Variants in FSTL5 observed in about 807,000 individuals in gnomAD.
FSTL5 encodes the protein follistatin like 5.
FSTL5 carries 62 observed loss-of-function variants against 89.1 expected under a neutral mutation model. The ratio of observed to expected loss-of-function variants is 0.70; its 90% CI spans 0.57 to 0.86. The LOEUF (loss-of-function observed/expected upper bound fraction) is 0.86. FSTL5 is among the 40% of genes least tolerant of loss of function. The pLI, the probability that FSTL5 is intolerant of heterozygous loss-of-function variation, is 0.00. For missense variants in FSTL5, 1,057 were observed against 1,001.6 expected (o/e 1.06, Z -0.75); for synonymous variants, 383 against 346.2 (o/e 1.11, Z -1.18).
At chr4:161,950,461 C>T (rs751047475) in intron 3 of FSTL5, among the ~76,000 whole-genome samples, 1 of 152,144 alleles carries the variant, frequency 6.6e-6, no homozygotes, top group Non-Finnish European at 1.5e-5. Context: ...CTCGACCTTC[C>T]CATCCGCCCA....
chr4:161,546,307 T>TATAC (rs946148658), intron 8 of FSTL5, among the ~76,000 whole-genome samples: 2 of 148,286 alleles, frequency 1.3e-5, no homozygotes, highest in African/African-American at 4.9e-5. Context: ...TATATATATA[T>TATAC]ACACATATAT....
chr4:161,787,375 T>C (rs1404990113), intron 4 of FSTL5, among the ~76,000 whole-genome samples: 2 of 152,170 alleles, frequency 1.3e-5, no homozygotes, highest in South Asian at 2.1e-4. Context: ...GTAAATGAGA[T>C]TGATAAAAGA....
At chr4:161,596,816 A>C (rs1012488373) in intron 7 of FSTL5, among the ~76,000 whole-genome samples, 1 of 152,172 alleles carries the variant, frequency 6.6e-6, no homozygotes, top group African/African-American at 2.4e-5. Flanking sequence ...AATGAGCTGC[A>C]GGTATTTCTC....
At chr4:161,770,340 A>T (rs1741164392) in intron 5 of FSTL5, among the ~76,000 whole-genome samples, 1 of 151,992 alleles carries the variant, frequency 6.6e-6, no homozygotes, top group Non-Finnish European at 1.5e-5. Flanking sequence ...TTCCGCAACT[A>T]GAAGAATTTA....
chr4:161,744,991 C>T (rs961330534), intron 6 of FSTL5, among the ~76,000 whole-genome samples: 5 of 150,576 alleles, frequency 3.3e-5, no homozygotes, highest in Non-Finnish European at 7.4e-5. Context: ...TCTGCTTTAT[C>T]GGATCCAGAA....
At chr4:161,935,061 C>G (rs1734394222) in intron 3 of FSTL5, among the ~76,000 whole-genome samples, 1 of 152,080 alleles carries the variant, frequency 6.6e-6, no homozygotes, top group African/African-American at 2.4e-5. Context: ...ACTTTTAAAT[C>G]TCATAACTAT....
At chr4:161,784,978 C>T (rs1344788838) in intron 4 of FSTL5, among the ~76,000 whole-genome samples, 4 of 151,876 alleles carry the variant, frequency 2.6e-5, no homozygotes, top group African/African-American at 4.8e-5. Flanking sequence ...ATTTTTAACC[C>T]GATACTTACA....
intron 2 of FSTL5, among the ~76,000 whole-genome samples, chr4:162,102,930 A>T (rs180820806): frequency 9.9e-5 from 15 of 151,798 alleles, no homozygotes; most frequent in African/African-American, 3.1e-4. Flanking sequence ...CAAAAGTTCA[A>T]ACTTGCCAAG....
chr4:161,613,492 C>G (rs1202459680), intron 7 of FSTL5, among the ~76,000 whole-genome samples: 1 of 151,022 alleles, frequency 6.6e-6, no homozygotes, highest in Non-Finnish European at 1.5e-5. Context: ...TTAATAAGTA[C>G]TCAATAGTTG....
intron 8 of FSTL5, among the ~76,000 whole-genome samples, chr4:161,566,814 A>C (rs917356677): frequency 6.6e-6 from 1 of 152,132 alleles, no homozygotes; most frequent in Non-Finnish European, 1.5e-5. Context: ...GTTAAAAGGT[A>C]TTAATCTGGA....
At chr4:161,547,917 A>AC (rs1578915809) in intron 8 of FSTL5, among the ~76,000 whole-genome samples, 1 of 152,008 alleles carries the variant, frequency 6.6e-6, no homozygotes, top group East Asian at 1.9e-4. Flanking sequence ...ATATTTTAAG[A>AC]TTAATAAAGC....
intron 6 of FSTL5, among the ~76,000 whole-genome samples, chr4:161,731,963 G>A (rs1370956687): frequency 2.6e-5 from 4 of 151,932 alleles, no homozygotes; most frequent in African/African-American, 9.7e-5. Context: ...ATAAACATAT[G>A]TTTTGTGTGA....
chr4:161,788,485 G>A (rs1441146235), intron 4 of FSTL5, among the ~76,000 whole-genome samples: 1 of 152,116 alleles, frequency 6.6e-6, no homozygotes, highest in Non-Finnish European at 1.5e-5. Flanking sequence ...AACTTTTAAA[G>A]GATAACCTAA....
intron 3 of FSTL5, among the ~76,000 whole-genome samples, chr4:162,030,741 A>C (rs2111189086): frequency 6.6e-6 from 1 of 152,320 alleles, no homozygotes; most frequent in Non-Finnish European, 1.5e-5. Context: ...AAACTTTATT[A>C]AGTTGGCAGA....
intron 15 of FSTL5, among the ~76,000 whole-genome samples, chr4:161,425,519 T>C (rs1005155726): frequency 1.3e-5 from 2 of 152,230 alleles, no homozygotes; most frequent in African/African-American, 4.8e-5. Context: ...ATGATTCGTG[T>C]ATCACATTTT....
At chr4:161,513,272 G>GGGGGGAGAGAGAGAGA (rs1349844190) in intron 10 of FSTL5, among the ~76,000 whole-genome samples, 16 of 110,024 alleles carry the variant, frequency 1.5e-4, no homozygotes, top group African/African-American at 4.9e-4. Context: ...ACAAGGAGGG[G>GGGGGGAGAGAGAGAGA]GAGAGAGAGA....
At chr4:161,521,274 T>A (rs910342110) in intron 10 of FSTL5, among the ~76,000 whole-genome samples, 4 of 152,100 alleles carry the variant, frequency 2.6e-5, no homozygotes, top group Non-Finnish European at 4.4e-5. Flanking sequence ...TTCAATATAT[T>A]GAAAGAGAGG....
chr4:161,886,872 C>G (rs1732825060), intron 4 of FSTL5, among the ~76,000 whole-genome samples: 1 of 151,990 alleles, frequency 6.6e-6, no homozygotes, highest in African/African-American at 2.4e-5. Context: ...TTCAGGAATC[C>G]CTGCAATGTC....
intron 4 of FSTL5, among the ~76,000 whole-genome samples, chr4:161,828,677 T>TCATA (rs144290232): frequency 0.09 from 13,690 of 152,168 alleles, 758 homozygotes; most frequent in African/African-American, 0.16. Context: ...GGGGATTGAG[T>TCATA]CATATATCAT....
Sources: allele counts gnomAD v4.1 joint callset (sites outside exome capture counted in the v4.1 genomes callset), GRCh38; gene constraint gnomAD v4.1.1; transcripts MANE v1.5; gene names NCBI Gene and HGNC (gene_info 2026-07-23, HGNC 2026-07-21).